Variants in SEMA6D observed in about 807,000 individuals in gnomAD.
The protein encoded by SEMA6D is semaphorin 6D.
In SEMA6D, 35 loss-of-function variants were observed where a neutral mutation model predicts 106.6. That is an observed-to-expected ratio of 0.33 (90% CI 0.25 to 0.44). SEMA6D has a LOEUF of 0.44. SEMA6D is among the 20% of genes least tolerant of loss of function. The probability of loss-of-function intolerance (pLI) is 1.00; values close to 1 mark genes in which losing one functional copy is unlikely to be tolerated. For missense variants in SEMA6D, 1,185 were observed against 1,345.9 expected (o/e 0.88, Z 1.87); for synonymous variants, 499 against 487.7 (o/e 1.02, Z -0.31).
chr15:47,592,562 A>ATTAGTCATT (rs1161054104), intron 3 of SEMA6D, among the ~76,000 whole-genome samples: 9 of 152,266 alleles, frequency 5.9e-5, no homozygotes, highest in African/African-American at 2.2e-4. Context: ...AGTTTCTGTG[A>ATTAGTCATT]TTAGTCATTT....
chr15:47,647,700 T>A (rs990490758), intron 4 of SEMA6D, among the ~76,000 whole-genome samples: 8 of 147,694 alleles, frequency 5.4e-5, no homozygotes, highest in African/African-American at 2.0e-4. Flanking sequence ...ACAACAGGCA[T>A]GCCCAATTCA....
intron 1 of SEMA6D, among the ~76,000 whole-genome samples, chr15:47,388,604 C>A (rs34794623): frequency 0.22 from 33,372 of 152,002 alleles, 3,942 homozygotes; most frequent in Middle Eastern, 0.34. Context: ...TATATATAGG[C>A]TTTGGTGTCA....
At chr15:47,272,364 G>A (rs1456819773) in intron 1 of SEMA6D, among the ~76,000 whole-genome samples, 1 of 152,122 alleles carries the variant, frequency 6.6e-6, no homozygotes, top group Non-Finnish European at 1.5e-5. Context: ...GCAATTTAAA[G>A]GGTTGCAAAA....
intron 1 of SEMA6D, among the ~76,000 whole-genome samples, chr15:47,268,028 C>A (rs927569081): frequency 1.3e-5 from 2 of 152,058 alleles, no homozygotes; most frequent in Non-Finnish European, 2.9e-5. Flanking sequence ...CTGGTGTTAT[C>A]TGGAAGCTTA....
intron 4 of SEMA6D, among the ~76,000 whole-genome samples, chr15:47,632,722 C>T (rs1418799202): frequency 1.3e-5 from 2 of 151,646 alleles, no homozygotes; most frequent in Admixed American, 1.3e-4. Flanking sequence ...TTCCTTTATC[C>T]ACTGCCAGTC....
intron 3 of SEMA6D, among the ~76,000 whole-genome samples, chr15:47,570,189 C>G (rs1018634739): frequency 6.6e-6 from 1 of 152,180 alleles, no homozygotes; most frequent in African/African-American, 2.4e-5. Flanking sequence ...TGCCCCACCC[C>G]ATTCTGACAT....
intron 2 of SEMA6D, among the ~76,000 whole-genome samples, chr15:47,465,564 G>A (rs79495526): frequency 0.025 from 3,802 of 152,292 alleles, 137 homozygotes; most frequent in African/African-American, 0.077. Context: ...GAGGGGCCTG[G>A]TGGGAAGGGA....
intron 4 of SEMA6D, among the ~76,000 whole-genome samples, chr15:47,701,534 G>T (rs964016602): frequency 6.6e-6 from 1 of 152,012 alleles, no homozygotes; most frequent in Non-Finnish European, 1.5e-5. Context: ...ACCAAAAAAT[G>T]GTAATTACAT....
intron 1 of SEMA6D, among the ~76,000 whole-genome samples, chr15:47,363,993 TG>T (rs889095205): frequency 3.3e-5 from 5 of 152,058 alleles, no homozygotes; most frequent in African/African-American, 1.2e-4. Flanking sequence ...GAGAACAGTG[TG>T]GGGGAAACCA....
chr15:47,737,017 T>C (rs1437627403), intron 1 of SEMA6D, among the ~76,000 whole-genome samples: 1 of 152,170 alleles, frequency 6.6e-6, no homozygotes, highest in African/African-American at 2.4e-5. Context: ...GGAATTGCTG[T>C]TGCTAATTTT....
At chr15:47,543,553 A>G (rs2045423079) in intron 3 of SEMA6D, among the ~76,000 whole-genome samples, 2 of 152,132 alleles carry the variant, frequency 1.3e-5, no homozygotes, top group Non-Finnish European at 2.9e-5. Context: ...AGTCTCAGGT[A>G]TGTCTTTATT....
intron 2 of SEMA6D, among the ~76,000 whole-genome samples, chr15:47,427,583 G>A (rs1033538566): frequency 3.3e-4 from 50 of 152,120 alleles, no homozygotes; most frequent in South Asian, 6.2e-4. Flanking sequence ...TGTACACTTG[G>A]GAAAGGTCAC....
At chr15:47,295,933 A>G (rs964363960) in intron 1 of SEMA6D, among the ~76,000 whole-genome samples, 1 of 152,178 alleles carries the variant, frequency 6.6e-6, no homozygotes, top group Non-Finnish European at 1.5e-5. Flanking sequence ...TCAGGTGCCC[A>G]GTGCTGCCTC....
At chr15:47,568,193 TAAA>T (rs61077223) in intron 3 of SEMA6D, among the ~76,000 whole-genome samples, 6 of 141,158 alleles carry the variant, frequency 4.3e-5, no homozygotes, top group Non-Finnish European at 4.5e-5. Flanking sequence ...TTTTGCCATT[TAAA>T]AAAAAAAAAA....
chr15:47,434,370 GT>G (rs1210670647), intron 2 of SEMA6D, among the ~76,000 whole-genome samples: 11 of 152,104 alleles, frequency 7.2e-5, no homozygotes, highest in Admixed American at 2.6e-4. Context: ...TAGGTTGATG[GT>G]GATACAGAAT....
At chr15:47,443,395 C>T (rs1024251028) in intron 2 of SEMA6D, among the ~76,000 whole-genome samples, 1 of 152,062 alleles carries the variant, frequency 6.6e-6, no homozygotes, top group South Asian at 2.1e-4. Context: ...TCTGACTGCT[C>T]TGATCCCATC....
At chr15:47,446,233 G>A (rs2042024405) in intron 2 of SEMA6D, among the ~76,000 whole-genome samples, 1 of 152,098 alleles carries the variant, frequency 6.6e-6, no homozygotes, top group Non-Finnish European at 1.5e-5. Context: ...ACTTCTAAAA[G>A]AAGAGATGAC....
intron 4 of SEMA6D, among the ~76,000 whole-genome samples, chr15:47,666,010 C>A (rs2145286251): frequency 6.6e-6 from 1 of 152,302 alleles, no homozygotes; most frequent in South Asian, 2.1e-4. Flanking sequence ...TGTCCCAATT[C>A]TTCGACTGCA....
chr15:47,194,010 C>T (rs1894155414), intron 1 of SEMA6D, among the ~76,000 whole-genome samples: 1 of 151,886 alleles, frequency 6.6e-6, no homozygotes, highest in African/African-American at 2.4e-5. Context: ...TAATACTTAA[C>T]AGAGAGTACA....
Sources: allele counts gnomAD v4.1 joint callset (sites outside exome capture counted in the v4.1 genomes callset), GRCh38; gene constraint gnomAD v4.1.1; transcripts MANE v1.5; gene names NCBI Gene and HGNC (gene_info 2026-07-23, HGNC 2026-07-21).